TMEM135: variants seen among roughly 807,000 people sequenced by gnomAD.
The protein encoded by TMEM135 is transmembrane protein 135, also known as peroxisomal membrane protein 52.
A neutral mutation model predicts 60.3 loss-of-function variants in TMEM135; 30 were observed. The observed-to-expected ratio is 0.50, with a 90% CI of 0.37 to 0.68. The LOEUF is 0.68. Among genes scored for constraint, TMEM135 ranks in the 30% least tolerant of loss-of-function variants. The pLI, the probability that TMEM135 is intolerant of heterozygous loss-of-function variation, is 0.00. For missense variants in TMEM135, 468 were observed against 548.8 expected (o/e 0.85, Z 1.47); for synonymous variants, 190 against 186.7 (o/e 1.02, Z -0.14).
chr11:87,284,855 G>A (rs1004175992), intron 6 of TMEM135, among the ~76,000 whole-genome samples: 5 of 152,130 alleles, frequency 3.3e-5, no homozygotes, highest in Admixed American at 2.0e-4. Context: ...ATTAGTAGTT[G>A]AGTTTTCTCA....
At chr11:87,245,710 C>T (rs569194470) in intron 6 of TMEM135, among the ~76,000 whole-genome samples, 1 of 126,764 alleles carries the variant, frequency 7.9e-6, no homozygotes, top group East Asian at 2.1e-4. Context: ...CTTGGTAGAT[C>T]TTCCTCCATC....
At chr11:87,195,093 T>C (rs1939903771) in intron 5 of TMEM135, among the ~76,000 whole-genome samples, 1 of 152,204 alleles carries the variant, frequency 6.6e-6, no homozygotes, top group Non-Finnish European at 1.5e-5. Context: ...GAAGGAAGCT[T>C]ATTAAAATCT....
chr11:87,148,234 A>G (rs145782245), intron 4 of TMEM135, among the ~76,000 whole-genome samples: 1 of 152,356 alleles, frequency 6.6e-6, no homozygotes, highest in African/African-American at 2.4e-5. Context: ...CTCTGAATTC[A>G]TTATTTTTGA....
chr11:87,210,135 C>T (rs542473175), intron 5 of TMEM135, among the ~76,000 whole-genome samples: 32 of 152,034 alleles, frequency 2.1e-4, no homozygotes, highest in Non-Finnish European at 3.7e-4. Context: ...CACACCAACC[C>T]CAAAGCTAGC....
chr11:87,269,211 C>T (rs1941812046), intron 6 of TMEM135, among the ~76,000 whole-genome samples: 1 of 149,334 alleles, frequency 6.7e-6, no homozygotes, highest in Non-Finnish European at 1.5e-5. Context: ...ACATTGTCCC[C>T]GAGGGGACAG....
At chr11:87,198,222 G>A (rs566313484) in intron 5 of TMEM135, among the ~76,000 whole-genome samples, 5 of 152,014 alleles carry the variant, frequency 3.3e-5, no homozygotes, top group Admixed American at 6.5e-5. Flanking sequence ...AAGTTTTTTA[G>A]TTCCCATATT....
At chr11:87,185,161 C>T (rs1342639916) in intron 5 of TMEM135, among the ~76,000 whole-genome samples, 1 of 152,096 alleles carries the variant, frequency 6.6e-6, no homozygotes, top group African/African-American at 2.4e-5. Context: ...AAGGACTCTC[C>T]TTTTAAAAAT....
intron 2 of TMEM135, 98 bp downstream of exon 2, chr11:87,067,919 C>T (rs912120641): frequency 4.2e-6 from 6 of 1,444,776 alleles, no homozygotes; most frequent in South Asian, 3.5e-5. Context: ...TTACTATCCC[C>T]GCCCCCCCTT....
chr11:87,080,933 G>A (rs1247396635), intron 3 of TMEM135, among the ~76,000 whole-genome samples: 8 of 152,192 alleles, frequency 5.3e-5, no homozygotes, highest in East Asian at 1.9e-4. Flanking sequence ...TGATCCACAC[G>A]CCTTGGCCTC....
At chr11:87,102,728 GTATA>G (rs111454491) in intron 4 of TMEM135, among the ~76,000 whole-genome samples, 3 of 145,390 alleles carry the variant, frequency 2.1e-5, no homozygotes, top group African/African-American at 5.0e-5. Flanking sequence ...ATATATATAT[GTATA>G]TATATATGTA....
intron 3 of TMEM135, among the ~76,000 whole-genome samples, chr11:87,076,107 G>A (rs1056027664): frequency 1.1e-4 from 17 of 152,198 alleles, no homozygotes; most frequent in Non-Finnish European, 1.8e-4. Flanking sequence ...AGCCAGCCAG[G>A]TTTTGTCCTT....
At chr11:87,261,612 C>G (rs1417965066) in intron 6 of TMEM135, among the ~76,000 whole-genome samples, 1 of 152,098 alleles carries the variant, frequency 6.6e-6, no homozygotes, top group Non-Finnish European at 1.5e-5. Context: ...ACCATCTTAA[C>G]AGTTTGCATA....
chr11:87,234,104 A>G (rs117843515), intron 5 of TMEM135, among the ~76,000 whole-genome samples: 3,152 of 152,082 alleles, frequency 0.021, 34 homozygotes, highest in South Asian at 0.032. Flanking sequence ...AAAATCCAAA[A>G]TCCTTCCAGG....
intron 6 of TMEM135, among the ~76,000 whole-genome samples, chr11:87,278,095 G>T (rs974593352): frequency 1.3e-5 from 2 of 152,080 alleles, no homozygotes; most frequent in African/African-American, 4.8e-5. Context: ...TACCTGTATA[G>T]AATTCTCTTC....
chr11:87,187,230 A>G (rs565202083), intron 5 of TMEM135, among the ~76,000 whole-genome samples: 33 of 152,268 alleles, frequency 2.2e-4, no homozygotes, highest in Non-Finnish European at 2.1e-4. Context: ...TATGTGCCAG[A>G]GGTTACATAG....
At chr11:87,273,475 T>G (rs1187021931) in intron 6 of TMEM135, among the ~76,000 whole-genome samples, 2 of 152,186 alleles carry the variant, frequency 1.3e-5, no homozygotes, top group African/African-American at 4.8e-5. Flanking sequence ...TCTACCAATC[T>G]TTAGTCCATC....
At chr11:87,165,932 C>T (rs1187180894) in intron 5 of TMEM135, among the ~76,000 whole-genome samples, 1 of 150,592 alleles carries the variant, frequency 6.6e-6, no homozygotes, top group Non-Finnish European at 1.5e-5. Context: ...CACAGAAATA[C>T]AAACTACCAT....
rs1941587696 is a variant in TMEM135, at chr11:87,258,959, G to T, written c.509+22275G>T. 12 of 1,506,934 alleles carry T rather than the reference G, an allele frequency of 8.0e-6. No homozygotes were observed. The East Asian group carries it at 2.5e-4, about 31-fold the overall frequency. The allele number at this position is 1,506,934 out of a possible 1,614,324, so 93.3% of individuals were successfully genotyped here. ...TGCAGTTGCTGCTGTTGCTCGGTTT[G>T]CATCTTCTCAGTCTCAAAGACAACG... On this transcript the variant is annotated intron_variant, in intron 6 of 14. Coordinates refer to ENST00000305494, the MANE Select transcript of TMEM135 (RefSeq NM_022918.4).
intron 6 of TMEM135, among the ~76,000 whole-genome samples, chr11:87,261,278 A>G (rs906694595): frequency 6.6e-5 from 10 of 152,030 alleles, no homozygotes; most frequent in African/African-American, 2.4e-4. Context: ...CCTTATGTAT[A>G]TTTTGCCAAA....
Sources: gnomAD v4.1 joint callset for allele counts (sites outside exome capture counted in the v4.1 genomes callset) on GRCh38, gnomAD v4.1.1 for gene constraint, MANE v1.5 for transcripts, NCBI Gene and HGNC (gene_info 2026-07-23, HGNC 2026-07-21) for gene names.